GAS2: variants seen among roughly 807,000 people sequenced by gnomAD.
GAS2 encodes the protein growth arrest-specific protein 2.
A neutral mutation model predicts 37.5 loss-of-function variants in GAS2; 20 were observed. The ratio of observed to expected loss-of-function variants is 0.53; its 90% CI spans 0.37 to 0.77. The LOEUF is 0.77. GAS2 is among the 30% of genes least tolerant of loss of function. The pLI is 0.00. For missense variants in GAS2, 336 were observed against 373.4 expected (o/e 0.90, Z 0.82); for synonymous variants, 144 against 132.2 (o/e 1.09, Z -0.61).
intron 7 of GAS2, among the ~76,000 whole-genome samples, chr11:22,802,432 A>G (rs1198705943): frequency 2.7e-5 from 4 of 150,660 alleles, no homozygotes; most frequent in Admixed American, 2.0e-4. Context: ...GGTTGTGCAC[A>G]TGTACCCTAG....
chr11:22,693,208 A>G (rs1850338685), intron 3 of GAS2, among the ~76,000 whole-genome samples: 1 of 152,182 alleles, frequency 6.6e-6, no homozygotes, highest in South Asian at 2.1e-4. Context: ...ATAGGATAGT[A>G]AGAATTCTGT....
rs201086358 is a variant in GAS2 at position 22,737,682 on chromosome 11, T to C, written c.410-23T>C. The C allele has an allele frequency of 1.8e-4, 294 of 1,612,720 alleles. 1 individual carries two copies. Among genetic ancestry groups the C allele is most frequent in the Admixed American group, 1.3e-4 (8 of 59,988 alleles). On this transcript the variant is annotated intron_variant, in intron 4 of 7. Coordinates refer to ENST00000454584, the MANE Select transcript of GAS2 (RefSeq NM_001143830.3). ...GCTTATTCCTTCTATTGTAAAGGTG[T>C]TCGCCTCTGTCTTGTCTTTCAGTCC...
chr11:22,685,065 C>T (rs1033828171), intron 2 of GAS2, among the ~76,000 whole-genome samples: 14 of 151,764 alleles, frequency 9.2e-5, no homozygotes, highest in Admixed American at 3.9e-4. Flanking sequence ...TTTTGGAGGC[C>T]GAGGCTGGAG....
rs1857191902 is a variant in GAS2 at position 22,811,920 on chromosome 11, C to A, written c.846C>A (p.Ser282=). ...TCTCCCGTGTGGATGGCAAAACATC[C>A]CCTATCCAAAGCAAATCTCCAACTC... ...LQISRVDGKT[S]PIQSKSPTLK... is the part of the protein sequence containing the mutation. The change falls in exon 8 of 8, where the codon TCC becomes TCA. Residue 282 remains serine, a synonymous_variant. Coordinates refer to ENST00000454584, the MANE Select transcript of GAS2 (RefSeq NM_001143830.3). 1 of 1,614,046 alleles carries A rather than the reference C, an allele frequency of 6.2e-7. No individual in the cohort carries two copies. Among genetic ancestry groups the A allele is most frequent in the Admixed American group, 1.7e-5 (1 of 59,990 alleles).
At chr11:22,663,797 A>G (rs940858753), upstream of GAS2, among the ~76,000 whole-genome samples, 1 of 152,170 alleles carries the variant, frequency 6.6e-6, no homozygotes, top group African/African-American at 2.4e-5. Flanking sequence ...TCGTAACACT[A>G]TTTGTAATGA....
At chr11:22,652,464 C>T (rs7124563) in intron 1 of GAS2, among the ~76,000 whole-genome samples, 34,239 of 152,154 alleles carry the variant, frequency 0.23, 4,773 homozygotes, top group African/African-American at 0.39. Context: ...TAGAGCTTCC[C>T]GGCTGCTTTG....
At chr11:22,721,818 G>C (rs1375799394) in intron 3 of GAS2, among the ~76,000 whole-genome samples, 1 of 151,924 alleles carries the variant, frequency 6.6e-6, no homozygotes, top group Non-Finnish European at 1.5e-5. Flanking sequence ...TTATTTGGCA[G>C]TCTATTTCTG....
intron 1 of GAS2, among the ~76,000 whole-genome samples, chr11:22,650,534 T>G (rs1354501612): frequency 6.7e-6 from 1 of 149,272 alleles, no homozygotes; most frequent in East Asian, 2.0e-4. Flanking sequence ...AGTCTCCCAT[T>G]ATTAATGTGT....
At chr11:22,699,512 T>TA (rs1286743496) in intron 3 of GAS2, among the ~76,000 whole-genome samples, 2 of 152,124 alleles carry the variant, frequency 1.3e-5, no homozygotes, top group Non-Finnish European at 2.9e-5. Context: ...GCTTAAGAAT[T>TA]AGACTATTTG....
chr11:22,764,860 T>C (rs1205643334), intron 7 of GAS2, among the ~76,000 whole-genome samples: 1 of 152,232 alleles, frequency 6.6e-6, no homozygotes, highest in Non-Finnish European at 1.5e-5. Flanking sequence ...CTACCTTCAC[T>C]TGACCTGATA....
intron 7 of GAS2, among the ~76,000 whole-genome samples, chr11:22,776,669 C>T (rs1054319595): frequency 6.6e-6 from 1 of 152,074 alleles, no homozygotes; most frequent in African/African-American, 2.4e-5. Flanking sequence ...AGGTAGGAAC[C>T]ATATAGAACA....
intron 7 of GAS2, among the ~76,000 whole-genome samples, chr11:22,780,771 G>A (rs1030928284): frequency 9.9e-5 from 15 of 151,888 alleles, no homozygotes; most frequent in African/African-American, 3.6e-4. Flanking sequence ...TATGGTCCAA[G>A]GTGGTTCTGT....
chr11:22,763,827 T>C, intron 7 of GAS2, among the ~76,000 whole-genome samples: 1 of 152,166 alleles, frequency 6.6e-6, no homozygotes, highest in East Asian at 1.9e-4. Context: ...ATGAGTGCTA[T>C]CAATACATGA....
intron 1 of GAS2, among the ~76,000 whole-genome samples, chr11:22,653,691 G>A (rs1237177768): frequency 6.6e-6 from 1 of 151,984 alleles, no homozygotes; most frequent in Non-Finnish European, 1.5e-5. Context: ...GAGAAAAGAA[G>A]CTTCAAATAG....
intron 3 of GAS2, among the ~76,000 whole-genome samples, chr11:22,693,276 A>G (rs1484519987): frequency 6.6e-6 from 1 of 152,208 alleles, no homozygotes; most frequent in Admixed American, 6.5e-5. Flanking sequence ...AAGAATAAAG[A>G]AAATTCCATT....
At chr11:22,728,416 T>G (rs1206209438) in intron 4 of GAS2, among the ~76,000 whole-genome samples, 1 of 151,800 alleles carries the variant, frequency 6.6e-6, no homozygotes, top group African/African-American at 2.4e-5. Context: ...GACCCTGGTA[T>G]ATAAATGCAT....
chr11:22,790,273 G>A (rs1372518487), intron 7 of GAS2, among the ~76,000 whole-genome samples: 2 of 152,096 alleles, frequency 1.3e-5, no homozygotes, highest in African/African-American at 2.4e-5. Flanking sequence ...CTGCAATAGC[G>A]TTCAGACGGG....
In GAS2 at chr11:22,775,487, G is replaced by T. The variant is rs925259620; in HGVS notation, c.723+19534G>T. Among the ~76,000 whole-genome samples the T allele has an allele frequency of 5.3e-5, 8 of 152,264 alleles. No homozygotes were observed. The East Asian group carries it at 1.4e-3, about 26-fold the overall frequency. On this transcript the variant is annotated intron_variant, in intron 7 of 7. Coordinates refer to ENST00000454584, the MANE Select transcript of GAS2 (RefSeq NM_001143830.3). ...GATTTTGGCTTATTCTGATACATCT[G>T]CCTGGCATGGAGGAATTGGTCGGGT...
chr11:22,723,074 A>G (rs1419182413), intron 3 of GAS2, among the ~76,000 whole-genome samples: 1 of 151,878 alleles, frequency 6.6e-6, no homozygotes, highest in Non-Finnish European at 1.5e-5. Context: ...ACTTAAAAAA[A>G]TCCTCAAATA....
Sources: allele counts gnomAD v4.1 joint callset (sites outside exome capture counted in the v4.1 genomes callset), GRCh38; gene constraint gnomAD v4.1.1; transcripts MANE v1.5; gene names NCBI Gene and HGNC (gene_info 2026-07-23, HGNC 2026-07-21).